The following RCC2 variants were observed in gnomAD, a reference collection of about 807,000 sequenced individuals.
RCC2 encodes the protein regulator of chromosome condensation 2, also known as protein RCC2.
Under a neutral mutation model 64.1 loss-of-function variants are expected in RCC2, and 19 were observed. The ratio of observed to expected loss-of-function variants is 0.30; its 90% CI spans 0.21 to 0.44. The LOEUF (loss-of-function observed/expected upper bound fraction) is 0.44, where lower values mean the gene tolerates loss of function less well. Ranked by LOEUF, RCC2 falls within the 20% of genes least tolerant of loss-of-function variation. The pLI, the probability that RCC2 is intolerant of heterozygous loss-of-function variation, is 1.00. For synonymous variants in RCC2, 325 were observed against 279.6 expected (o/e 1.16, Z -1.62); for missense variants, 508 against 710.4 (o/e 0.72, Z 3.24).
intron 2 of RCC2, among the ~76,000 whole-genome samples, chr1:17,434,779 T>G (rs574538789): frequency 6.6e-6 from 1 of 152,204 alleles, no homozygotes; most frequent in Non-Finnish European, 1.5e-5. Flanking sequence ...GCTTGCTTGA[T>G]AGCAGGGGGA....
intron 2 of RCC2, among the ~76,000 whole-genome samples, chr1:17,433,074 GTA>G (rs1274497056): frequency 1.3e-5 from 2 of 152,146 alleles, no homozygotes; most frequent in Non-Finnish European, 2.9e-5. Context: ...ATATACGTGT[GTA>G]TGTGTGAAAA....
chr1:17,438,161 G>C, intron 2 of RCC2, 69 bp downstream of exon 2: 1 of 1,078,606 alleles, frequency 9.3e-7, no homozygotes. Context: ...TGGAACGCGC[G>C]CCGTGCCGCG....
At chr1:17,437,827 G>A (rs1378447406) in intron 2 of RCC2, among the ~76,000 whole-genome samples, 1 of 145,286 alleles carries the variant, frequency 6.9e-6, no homozygotes, top group Non-Finnish European at 1.5e-5. Context: ...CGGACGTGTG[G>A]GGCCCGCTGG....
intron 4 of RCC2, among the ~76,000 whole-genome samples, chr1:17,423,167 T>G (rs1256825846): frequency 6.6e-6 from 1 of 152,078 alleles, no homozygotes; most frequent in Non-Finnish European, 1.5e-5. Flanking sequence ...AAACACGCCG[T>G]TCCCACTTAG....
chr1:17,410,229 T>C (rs1442194977), intron 11 of RCC2, among the ~76,000 whole-genome samples, 178 bp from the exon 12 acceptor site: 2 of 152,154 alleles, frequency 1.3e-5, no homozygotes, highest in Non-Finnish European at 2.9e-5. Flanking sequence ...TCCAAGTTTA[T>C]CCACAAAAGG....
At position 17,409,012 on chromosome 1, in the gene RCC2, GTT is replaced by G; in HGVS notation, c.*76_*77del. ...CAACTTTTGCTTTTTTAAATTCCTC[GTT>G]TGACTTCCCGTCCCAGTGCACATGG... On this transcript the variant is annotated 3_prime_UTR_variant, in exon 13 of 13. Coordinates refer to ENST00000375436, the MANE Select transcript of RCC2 (RefSeq NM_018715.4). 1 of 1,133,932 alleles carries G rather than the reference GTT, an allele frequency of 8.8e-7. No individual in the cohort carries two copies. Among genetic ancestry groups the G allele is most frequent in the Non-Finnish European group, 1.3e-6 (1 of 747,942 alleles). 70.2% of individuals were successfully genotyped at this position (1,133,932 alleles called of 1,614,324 possible). A position where few individuals can be genotyped will look rare whatever the true frequency, so the allele number is the denominator to read the frequency against.
rs1265674393 is a variant in RCC2, at chr1:17,431,359, A to ATAAAAAT, written c.286-2161_286-2160insATTTTTA. Among the ~76,000 whole-genome samples, 38 of 44,922 alleles carry ATAAAAAT rather than the reference A, an allele frequency of 8.5e-4. 5 individuals carry two copies. Among genetic ancestry groups the ATAAAAAT allele is most frequent in the East Asian group, 3.6e-3 (6 of 1,650 alleles). 29.5% of individuals were successfully genotyped at this position (44,922 alleles called of 152,430 possible). ...AAAAAAAAAAAAAAAAAAAAAAAAAAATATATATATATATATATATATGTG... is the reference window on the plus strand; with the variant it reads ...AAAAAAAAAAAAAAAAAAAAAAAAAATAAAAATATATATATATATATATATATATGTG... On this transcript the variant is annotated intron_variant, in intron 2 of 12. Transcript: ENST00000375436.
At chr1:17,415,853 G>A (rs1222739481) in intron 8 of RCC2, among the ~76,000 whole-genome samples, 1 of 151,860 alleles carries the variant, frequency 6.6e-6, no homozygotes, top group African/African-American at 2.4e-5. Flanking sequence ...CAGATCACCT[G>A]AGGTCAGGAG....
chr1:17,409,496 C>A (rs571281712), intron 12 of RCC2, among the ~76,000 whole-genome samples: 1 of 152,188 alleles, frequency 6.6e-6, no homozygotes, highest in Non-Finnish European at 1.5e-5. Flanking sequence ...CATCCCCCCC[C>A]TCTCTGGCTC....
chr1:17,415,339 C>G (rs12089578), intron 8 of RCC2, among the ~76,000 whole-genome samples: 3,244 of 152,290 alleles, frequency 0.021, 123 homozygotes, highest in African/African-American at 0.073. Flanking sequence ...CTAGCCCAGG[C>G]TTTTTCAACA....
intron 2 of RCC2, among the ~76,000 whole-genome samples, chr1:17,436,713 T>C (rs1409964425): frequency 6.6e-6 from 1 of 152,234 alleles, no homozygotes; most frequent in Non-Finnish European, 1.5e-5. Context: ...GTACAGCTGA[T>C]AACTGCAGTC....
intron 8 of RCC2, among the ~76,000 whole-genome samples, chr1:17,415,197 C>A (rs1463505821): frequency 6.6e-6 from 1 of 152,206 alleles, no homozygotes; most frequent in Non-Finnish European, 1.5e-5. Flanking sequence ...TTTGGACTTG[C>A]ACAAACTGAA....
chr1:17,419,537 A>C (rs12089849), intron 7 of RCC2, among the ~76,000 whole-genome samples: 3,958 of 152,326 alleles, frequency 0.026, 182 homozygotes, highest in African/African-American at 0.089. Flanking sequence ...GCTGAGAATA[A>C]GCGATTCTGT....
intron 10 of RCC2, 64 bp downstream of exon 10, chr1:17,413,009 G>T: frequency 1.6e-6 from 2 of 1,233,678 alleles, no homozygotes. Context: ...GGCACCCCAT[G>T]GGTGTGTCTG....
chr1:17,434,032 C>A (rs2075711312), intron 2 of RCC2, among the ~76,000 whole-genome samples: 1 of 152,190 alleles, frequency 6.6e-6, no homozygotes, highest in South Asian at 2.1e-4. Context: ...GCAACACTCA[C>A]CTGTTTTGTA....
chr1:17,411,583 A>T (rs2075425815), intron 11 of RCC2, among the ~76,000 whole-genome samples: 1 of 150,724 alleles, frequency 6.6e-6, no homozygotes, highest in South Asian at 2.1e-4. Context: ...TCCATCTCAA[A>T]AAAAAAAAAA....
chr1:17,422,307 A>T lies in RCC2; in HGVS notation c.656-16T>A. 1 of 1,594,106 alleles carries T rather than the reference A, an allele frequency of 6.3e-7. No individual in the cohort carries two copies. The highest frequency in any genetic ancestry group is 8.6e-7 in the Non-Finnish European group (1 of 1,164,534). On this transcript the variant is annotated splice_polypyrimidine_tract_variant and intron_variant, in intron 5 of 12. Coordinates refer to ENST00000375436, the MANE Select transcript of RCC2 (RefSeq NM_018715.4). ...GAGCCCGTTTCTGGAAGAAAGGAAA[A>T]ATATCACAAAAGGGAAGATAATGGT...
Position 17,429,125 on chromosome 1 carries a change from T to C in RCC2, c.360A>G (p.Lys120=). The C allele has an allele frequency of 6.2e-7, 1 of 1,614,106 alleles. No homozygotes were observed. The part of the protein sequence containing the change: ...GATNWDLIGR[K]EVPKQQAAYR... Reference sequence around the variant, plus strand: ...TCATACCTTGCTGTTTAGGCACTTCTTTTCGACCAATCAAGTCCCAGTTGG... The same window carrying C: ...TCATACCTTGCTGTTTAGGCACTTCCTTTCGACCAATCAAGTCCCAGTTGG... Residue 120 remains lysine (K), a synonymous_variant, in exon 3 of 13, where the codon AAA becomes AAG. Transcript: ENST00000375436.
In RCC2 at chr1:17,407,299, A is replaced by T. The variant is rs1262714042; in HGVS notation, c.*1791T>A. ...ACCACGGCTCAAAGGAGAGACCTCA[A>T]GGGTGCCAGGAGCACAGGTGCCTGG... On this transcript the variant is annotated 3_prime_UTR_variant, in exon 13 of 13. Coordinates refer to ENST00000375436, the MANE Select transcript of RCC2 (RefSeq NM_018715.4). 6.6e-6 allele frequency: 1 copy of T among 152,174 alleles called. No homozygotes were observed. Among genetic ancestry groups the T allele is most frequent in the Non-Finnish European group, 1.5e-5 (1 of 68,042 alleles). The allele number at this position is 152,174 out of a possible 1,614,324, so 9.4% of individuals were successfully genotyped here.
Sources: gnomAD v4.1 joint callset for allele counts (sites outside exome capture counted in the v4.1 genomes callset) on GRCh38, gnomAD v4.1.1 for gene constraint, MANE v1.5 for transcripts, NCBI Gene and HGNC (gene_info 2026-07-23, HGNC 2026-07-21) for gene names.